Variants in SNAP47 observed in about 807,000 individuals in gnomAD.
The protein encoded by SNAP47 is synaptosome associated protein 47, also known as synaptosomal-associated protein 47.
Under a neutral mutation model 31.4 loss-of-function variants are expected in SNAP47, and 20 were observed. The ratio of observed to expected loss-of-function variants is 0.64; its 90% confidence interval spans 0.45 to 0.93. The LOEUF is 0.93. Among genes scored for constraint, SNAP47 ranks in the 40% least tolerant of loss-of-function variants. The probability of loss-of-function intolerance (pLI) is 0.00; values close to 1 mark genes in which losing one functional copy is unlikely to be tolerated. For synonymous variants in SNAP47, 194 were observed against 213.4 expected (o/e 0.91, Z 0.79); for missense variants, 492 against 528.5 (o/e 0.93, Z 0.68).
At position 227,748,044 on chromosome 1, in the gene SNAP47, TGTCTCA is replaced by T; in HGVS notation, c.310_315del (p.Ser104_Gln105del). 1.2e-6 allele frequency: 2 copies of T among 1,614,210 alleles called. No individual in the cohort carries two copies. Among genetic ancestry groups the T allele is most frequent in the Non-Finnish European group, 1.7e-6 (2 of 1,180,020 alleles). On this transcript the variant is annotated inframe_deletion, in exon 2 of 5. Transcript: ENST00000617596. ...GAGCATTTCTGGAGGGAGCTGCTGC[TGTCTCA>T]GCCTGGAGCCGTGGCAGACGCATCT...
upstream of SNAP47, chr1:227,733,794 T>C: frequency 6.3e-7 from 1 of 1,582,542 alleles, no homozygotes; most frequent in South Asian, 1.1e-5. Flanking sequence ...TCTCAAGGGA[T>C]GGCACCCACT....
intron 3 of SNAP47, among the ~76,000 whole-genome samples, chr1:227,766,177 C>T (rs1203709038): frequency 6.6e-6 from 1 of 152,194 alleles, no homozygotes; most frequent in Non-Finnish European, 1.5e-5. Flanking sequence ...GCCTGCCTGC[C>T]CCATCAGGAG....
chr1:227,733,926 C>T (rs530501299), upstream of SNAP47: 26 of 1,613,768 alleles, frequency 1.6e-5, no homozygotes, highest in East Asian at 8.9e-5. Context: ...GCAGGCCCCG[C>T]GTAGACAAAG....
chr1:227,768,276 T>C, intron 4 of SNAP47: 4 of 985,430 alleles, frequency 4.1e-6, no homozygotes, highest in Non-Finnish European at 4.8e-6. Flanking sequence ...CAAAGCTGTC[T>C]GTTGGGCTGA....
At chr1:227,729,196 CTG>C (rs1229320658) in intron 1 of SNAP47, among the ~76,000 whole-genome samples, 8 of 152,184 alleles carry the variant, frequency 5.3e-5, no homozygotes, top group African/African-American at 1.9e-4. Flanking sequence ...GGGAGGGTAA[CTG>C]GGGCCTGTGG....
chr1:227,728,335 C>T (rs151042995), upstream of SNAP47, among the ~76,000 whole-genome samples: 1 of 151,886 alleles, frequency 6.6e-6, no homozygotes, highest in African/African-American at 2.4e-5. Flanking sequence ...AGGGCCGGTG[C>T]TTGCCACCGG....
Position 227,748,209 on chromosome 1 carries a change from A to C in SNAP47, c.473A>C (p.Glu158Ala). 2.5e-6 allele frequency: 4 copies of C among 1,596,150 alleles called. No individual in the cohort carries two copies. Among genetic ancestry groups the C allele is most frequent in the Non-Finnish European group, 3.4e-6 (4 of 1,170,896 alleles). The change falls in exon 2 of 5, where the codon GAG becomes GCG. Residue 158 changes from glutamate to alanine, a missense_variant. By Grantham distance (107) the Glu-to-Ala change is moderately radical. Transcript: ENST00000617596. Reference sequence around the variant, plus strand: ...GTCATGAGAGGCCTGGACAAGATGGAGTCAGACCTGGAGGTGGCGGACAGG... The same window carrying C: ...GTCATGAGAGGCCTGGACAAGATGGCGTCAGACCTGGAGGTGGCGGACAGG... ...DSVMRGLDKM[E>A]SDLEVADRLL... is the part of the protein sequence containing the mutation.
chr1:227,753,939 G>A (rs2102938109), intron 2 of SNAP47, among the ~76,000 whole-genome samples: 1 of 152,300 alleles, frequency 6.6e-6, no homozygotes, highest in East Asian at 1.9e-4. Flanking sequence ...TTTTAGTTTA[G>A]CCATCTGTAG....
intron 4 of SNAP47, 31 bp from the exon 5 acceptor site, chr1:227,780,496 G>T (rs1393134517): frequency 1.2e-6 from 2 of 1,612,708 alleles, no homozygotes; most frequent in South Asian, 1.1e-5. Context: ...AGAGATGGCA[G>T]CCTCTGCTGT....
intron 4 of SNAP47, among the ~76,000 whole-genome samples, chr1:227,768,910 A>G (rs1486407076): frequency 1.3e-5 from 2 of 152,256 alleles, no homozygotes; most frequent in African/African-American, 4.8e-5. Flanking sequence ...TACTCACTGT[A>G]TCCCACGGTT....
intron 1 of SNAP47, among the ~76,000 whole-genome samples, chr1:227,739,996 G>C (rs1661486185): frequency 6.6e-6 from 1 of 152,274 alleles, no homozygotes; most frequent in African/African-American, 2.4e-5. Context: ...TTTCCATGTG[G>C]TGTGGTTGTG....
rs1240247275 is a variant in SNAP47, at chr1:227,747,851, G to A, written c.115G>A (p.Asp39Asn). 2 of 1,614,194 alleles carry A rather than the reference G, an allele frequency of 1.2e-6. No individual in the cohort carries two copies. Among genetic ancestry groups the A allele is most frequent in the East Asian group, 2.2e-5 (1 of 44,874 alleles). The change falls in exon 2 of 5, where the codon GAC becomes AAC. Residue 39 changes from aspartate (D) to asparagine (N), a missense_variant. Asp to Asn is a conservative substitution (Grantham distance 23). Coordinates refer to ENST00000617596, the MANE Select transcript of SNAP47 (RefSeq NM_053052.4). Reference protein sequence around the residue: ...LTSLSLRFMTDSTGEILVSFP... With the variant: ...LTSLSLRFMTNSTGEILVSFP... ...ATCGCTGTCGCTCAGGTTCATGACT[G>A]ACAGCACTGGAGAGATTCTGGTCAG...
rs973735012 is a variant in SNAP47, at chr1:227,741,088, G to A, written c.-46+5589G>A. On this transcript the variant is annotated intron_variant, in intron 1 of 4. Transcript: ENST00000617596. The surrounding 1 kb of genome is among the most constrained non-coding windows in gnomAD (Gnocchi z 4.2). ...AGATACCCAGCAGGTGATAGGGGAG[G>A]AGCTGATGGAAGGAATGTGAAGTTC... Among the ~76,000 whole-genome samples, 4 of 151,868 alleles carry A rather than the reference G, an allele frequency of 2.6e-5. No individual in the cohort carries two copies. Among genetic ancestry groups the A allele is most frequent in the African/African-American group, 9.7e-5 (4 of 41,330 alleles).
chr1:227,750,494 G>A (rs1249741782), intron 2 of SNAP47, among the ~76,000 whole-genome samples: 1 of 152,242 alleles, frequency 6.6e-6, no homozygotes, highest in African/African-American at 2.4e-5. Flanking sequence ...GGACACTAAT[G>A]TGACCATCAC....
intron 2 of SNAP47, among the ~76,000 whole-genome samples, chr1:227,758,516 T>A (rs1662836436): frequency 6.6e-6 from 1 of 152,102 alleles, no homozygotes; most frequent in Non-Finnish European, 1.5e-5. Context: ...TGGGGAAGCA[T>A]CTAATGCTGA....
chr1:227,767,292 A>G (rs1287303931), intron 4 of SNAP47, among the ~76,000 whole-genome samples: 2 of 152,178 alleles, frequency 1.3e-5, no homozygotes, highest in African/African-American at 2.4e-5. Context: ...CTGGAACACA[A>G]CATGCACCAC....
chr1:227,734,294 T>A (rs1660900250), upstream of SNAP47: 1 of 380,720 alleles, frequency 2.6e-6, no homozygotes, highest in South Asian at 3.8e-5. Flanking sequence ...GGTGGATGCA[T>A]CACCTGAGCT....
intron 2 of SNAP47, among the ~76,000 whole-genome samples, chr1:227,756,067 C>G (rs762567548): frequency 1.3e-5 from 2 of 152,212 alleles, no homozygotes; most frequent in Admixed American, 6.5e-5. Flanking sequence ...TAAACCCAAG[C>G]TGTAACCCAA....
upstream of SNAP47, chr1:227,734,188 G>A: frequency 1.2e-6 from 1 of 808,834 alleles, no homozygotes; most frequent in South Asian, 1.8e-5. Flanking sequence ...GCCAGACGCT[G>A]CTGGCGGGGG....
Sources: gnomAD v4.1 joint callset for allele counts (sites outside exome capture counted in the v4.1 genomes callset) on GRCh38, gnomAD v4.1.1 for gene constraint, Gnocchi (gnomAD v3.1) non-coding constraint, MANE v1.5 for transcripts, NCBI Gene and HGNC (gene_info 2026-07-23, HGNC 2026-07-21) for gene names.